Variants in RBFOX1 observed in about 807,000 individuals in gnomAD.
RBFOX1 encodes RNA binding protein fox-1 homolog 1.
Under a neutral mutation model 57.7 loss-of-function variants are expected in RBFOX1, and 8 were observed. The observed-to-expected ratio is 0.14, with a 90% confidence interval of 0.08 to 0.25. RBFOX1 has a LOEUF of 0.25. Among genes scored for constraint, RBFOX1 ranks in the 10% least tolerant of loss-of-function variants. The pLI is 1.00. For synonymous variants in RBFOX1, 326 were observed against 222.4 expected, an observed-to-expected ratio of 1.47 and a Z score of -4.15; for missense variants, 611 against 548.5, an observed-to-expected ratio of 1.11 and a Z score of -1.14.
intron 3 of RBFOX1, among the ~76,000 whole-genome samples, chr16:7,007,719 A>G (rs1424658567): frequency 6.6e-6 from 1 of 152,202 alleles, no homozygotes; most frequent in African/African-American, 2.4e-5. Flanking sequence ...TTGACTATAC[A>G]GGGTAAACTC....
chr16:6,999,211 TATTTATTTTTTTTATTTA>T (rs2092557535), intron 3 of RBFOX1, among the ~76,000 whole-genome samples: 2 of 105,464 alleles, frequency 1.9e-5, no homozygotes, highest in Non-Finnish European at 1.9e-5. Flanking sequence ...TTTTTATTTT[TATTTATTTTTTTTATTTA>T]TTTTTTTTTT....
In RBFOX1 at chr16:7,409,783, G is replaced by C. The variant is rs577799297; in HGVS notation, c.28-108364G>C. Among the ~76,000 whole-genome samples the C allele has an allele frequency of 1.1e-4, 15 of 137,178 alleles. No homozygotes were observed. In the East Asian group the frequency reaches 2.7e-3, roughly 25 times the overall value. The allele number at this position is 137,178 out of a possible 152,430, so 90.0% of individuals were successfully genotyped here. On this transcript the variant is annotated intron_variant, in intron 4 of 15. Transcript: ENST00000550418. ...ATGCTTCATTCATTCCTTGCTCTGG[G>C]CATTCCTTGCTGAAGGTCAGGAGCT...
At chr16:7,309,910 G>T (rs1200879804) in intron 4 of RBFOX1, among the ~76,000 whole-genome samples, 1 of 152,184 alleles carries the variant, frequency 6.6e-6, no homozygotes, top group Non-Finnish European at 1.5e-5. Flanking sequence ...ACGGGGAGAA[G>T]TGTCCCAATG....
intron 4 of RBFOX1, among the ~76,000 whole-genome samples, chr16:7,470,593 C>CGGAT (rs1317207616): frequency 1.3e-5 from 2 of 148,672 alleles, no homozygotes; most frequent in African/African-American, 5.0e-5. Context: ...GATGGATGGG[C>CGGAT]GGATGGATGG....
At chr16:7,120,959 T>C (rs1053608604) in intron 4 of RBFOX1, among the ~76,000 whole-genome samples, 3 of 151,660 alleles carry the variant, frequency 2.0e-5, no homozygotes, top group African/African-American at 7.3e-5. Flanking sequence ...GGTTTCATAT[T>C]GAAAAAAATC....
chr16:6,053,982 G>T (rs999139630), intron 1 of RBFOX1, among the ~76,000 whole-genome samples: 2 of 152,124 alleles, frequency 1.3e-5, no homozygotes, highest in African/African-American at 4.8e-5. Flanking sequence ...CTTGAGCCCA[G>T]GAGGTTGAGG....
chr16:5,627,831 A>G (rs997010928), intron 3 of RBFOX1, among the ~76,000 whole-genome samples: 1 of 152,244 alleles, frequency 6.6e-6, no homozygotes, highest in African/African-American at 2.4e-5. Flanking sequence ...GTTCTATGCA[A>G]ATACTGCACC....
At chr16:5,827,619 G>T (rs2056111781) in intron 3 of RBFOX1, among the ~76,000 whole-genome samples, 1 of 152,158 alleles carries the variant, frequency 6.6e-6, no homozygotes, top group Admixed American at 6.5e-5. Context: ...ACTGCAGTGT[G>T]AAGGCAACCA....
chr16:6,915,849 G>C (rs2073031291), intron 3 of RBFOX1, among the ~76,000 whole-genome samples: 1 of 152,114 alleles, frequency 6.6e-6, no homozygotes, highest in African/African-American at 2.4e-5. Flanking sequence ...GCTATGCCCA[G>C]CCTTCATTCC....
At chr16:7,434,406 A>G (rs1245298874) in intron 4 of RBFOX1, among the ~76,000 whole-genome samples, 4 of 152,216 alleles carry the variant, frequency 2.6e-5, no homozygotes, top group African/African-American at 9.6e-5. Flanking sequence ...CGGGAGGCGG[A>G]GCTTGCAGTG....
chr16:5,347,079 C>A (rs114501766), intron 1 of RBFOX1, among the ~76,000 whole-genome samples: 256 of 152,236 alleles, frequency 1.7e-3, no homozygotes, highest in African/African-American at 5.9e-3. Context: ...TTCAGCAAGA[C>A]TTTATCTGGC....
At chr16:6,782,610 T>G (rs1240938098) in intron 3 of RBFOX1, among the ~76,000 whole-genome samples, 1 of 152,164 alleles carries the variant, frequency 6.6e-6, no homozygotes, top group South Asian at 2.1e-4. Context: ...ATGATTTGGA[T>G]TTTTCTGAAT....
chr16:5,736,095 C>A (rs1375373771), intron 3 of RBFOX1, among the ~76,000 whole-genome samples: 1 of 152,066 alleles, frequency 6.6e-6, no homozygotes, highest in South Asian at 2.1e-4. Context: ...CATTCATTTT[C>A]CTTCTTTACT....
intron 4 of RBFOX1, among the ~76,000 whole-genome samples, chr16:7,309,694 A>G (rs1320781694): frequency 6.6e-6 from 1 of 152,166 alleles, no homozygotes; most frequent in Non-Finnish European, 1.5e-5. Context: ...TTGTTTATTC[A>G]TATTGGCCGG....
intron 4 of RBFOX1, among the ~76,000 whole-genome samples, chr16:5,903,303 C>A (rs2058355283): frequency 6.6e-6 from 1 of 152,192 alleles, no homozygotes; most frequent in Non-Finnish European, 1.5e-5. Flanking sequence ...CCCTCTTGCC[C>A]TCCCTGCTGT....
At chr16:7,669,825 G>C (rs1279218163) in intron 13 of RBFOX1, among the ~76,000 whole-genome samples, 2 of 152,190 alleles carry the variant, frequency 1.3e-5, no homozygotes, top group African/African-American at 4.8e-5. Context: ...CTGAGACCTT[G>C]CTTTCAGTGT....
chr16:5,315,859 G>C (rs1439464361), intron 1 of RBFOX1, among the ~76,000 whole-genome samples: 1 of 152,248 alleles, frequency 6.6e-6, no homozygotes, highest in East Asian at 1.9e-4. Context: ...AGAGCCTGTA[G>C]ACGCACCCTG....
At chr16:7,181,085 A>G (rs935760062) in intron 4 of RBFOX1, among the ~76,000 whole-genome samples, 5 of 152,072 alleles carry the variant, frequency 3.3e-5, no homozygotes, top group African/African-American at 1.2e-4. Context: ...TGGCTTACTG[A>G]CCCCCTGCTA....
intron 2 of RBFOX1, among the ~76,000 whole-genome samples, chr16:6,368,094 A>G (rs1034244608): frequency 3.3e-5 from 5 of 151,878 alleles, no homozygotes; most frequent in African/African-American, 7.3e-5. Flanking sequence ...GTCATTTTGT[A>G]CCCTTCCTCT....
Sources: gnomAD v4.1 joint callset for allele counts (sites outside exome capture counted in the v4.1 genomes callset) on GRCh38, gnomAD v4.1.1 for gene constraint, MANE v1.5 for transcripts, NCBI Gene and HGNC (gene_info 2026-07-23, HGNC 2026-07-21) for gene names.